Variants in ACTC1 observed in about 807,000 individuals in gnomAD.
The protein encoded by ACTC1 is actin, alpha cardiac muscle 1.
In ACTC1, 10 loss-of-function variants were observed where a neutral mutation model predicts 31.6. The ratio of observed to expected loss-of-function variants is 0.32; its 90% CI spans 0.19 to 0.54. ACTC1 has a LOEUF of 0.54. ACTC1 is among the 20% of genes least tolerant of loss of function. The pLI is 0.95. For missense variants in ACTC1, 129 were observed against 506.4 expected (o/e 0.25, Z 7.15); for synonymous variants, 196 against 185.0 (o/e 1.06, Z -0.48).
rs1335259862 is a variant in ACTC1 at position 34,794,810 on chromosome 15, T to C, written c.-2A>G. On this transcript the variant is annotated 5_prime_UTR_variant, in exon 2 of 7. Coordinates refer to ENST00000290378, the MANE Select transcript of ACTC1 (RefSeq NM_005159.5). ...GGTGGTCTCCTCGTCGTCACACATC[T>C]TGGCACAGCTTCAGGGGGTTCTGCA... The C allele has an allele frequency of 6.2e-7, 1 of 1,612,952 alleles. No homozygotes were observed. The highest frequency in any genetic ancestry group is 1.1e-5 in the South Asian group (1 of 91,032).
At position 34,791,307 on chromosome 15, in the gene ACTC1, TCACACACA is replaced by T. The variant is rs59431308; in HGVS notation, c.809-20_809-13del. 5.7e-3 allele frequency: 7,496 copies of T among 1,307,248 alleles called. 27 individuals are homozygous for T. Among genetic ancestry groups the T allele is most frequent in the African/African-American group, 0.021 (1,347 of 63,938 alleles). 81.0% of individuals were successfully genotyped at this position (1,307,248 alleles called of 1,614,324 possible). ...AGCAGATTCCATACCTGGGAACGAG[TCACACACA>T]CACACACACACACACACACACACAC... is the stretch of plus-strand genomic sequence containing the variant. On this transcript the variant is annotated splice_polypyrimidine_tract_variant and intron_variant, in intron 5 of 6. Coordinates refer to ENST00000290378, the MANE Select transcript of ACTC1 (RefSeq NM_005159.5).
chr15:34,794,779 C>T lies in ACTC1; in HGVS notation c.30G>A (p.Leu10=). 2 of 1,613,752 alleles carry T rather than the reference C, an allele frequency of 1.2e-6. No homozygotes were observed. Among genetic ancestry groups the T allele is most frequent in the Non-Finnish European group, 1.7e-6 (2 of 1,179,860 alleles). MCDDEETTA[L]VCDNGSGLVK... ...CCAGCCCAGAGCCGTTGTCGCACACCAGGGCGGTGGTCTCCTCGTCGTCAC... is the reference window on the plus strand; with the variant it reads ...CCAGCCCAGAGCCGTTGTCGCACACTAGGGCGGTGGTCTCCTCGTCGTCAC... Residue 10 remains leucine, a synonymous_variant, in exon 2 of 7, where the codon CTG becomes CTA. Transcript: ENST00000290378.
At position 34,792,917 on chromosome 15, in the gene ACTC1, T is replaced by C. The variant is rs1440960133; in HGVS notation, c.454+328A>G. On this transcript the variant is annotated intron_variant, in intron 3 of 6. Transcript: ENST00000290378. This position sits in a 1 kb window ranked among gnomAD's most constrained non-coding sequence, Gnocchi z 5.3. ...TTTCTCTCTCTTTTGACTCAGACCC[T>C]GTATGGAATGTATTCTCCTTGGGGA... 1 of 509,176 alleles carries C rather than the reference T, an allele frequency of 2.0e-6. No homozygotes were observed. The highest frequency in any genetic ancestry group is 3.6e-6 in the Non-Finnish European group (1 of 281,546). The allele number at this position is 509,176 out of a possible 1,614,324, so 31.5% of individuals were successfully genotyped here. A position where few individuals can be genotyped will look rare whatever the true frequency, so the allele number is the denominator to read the frequency against.
chr15:34,791,570 G>A (rs1310293291), intron 5 of ACTC1: 1 of 474,884 alleles, frequency 2.1e-6, no homozygotes, highest in Non-Finnish European at 3.7e-6. Flanking sequence ...TCAGATGTAT[G>A]AAGATGTATT....
chr15:34,790,589 C>T (rs181924243), intron 6 of ACTC1, 34 bp from the exon 7 acceptor site: 3 of 1,613,244 alleles, frequency 1.9e-6, no homozygotes, highest in Non-Finnish European at 1.7e-6. Context: ...CCAGTGAACT[C>T]TGAAGTTCCA....
At position 34,791,015 on chromosome 15, in the gene ACTC1, A is replaced by G. The variant is rs540721330; in HGVS notation, c.990+99T>C. ...AAAGCTAACAGGTAAAGTTTGTAGG[A>G]GACAAGAAACTGAGTATGAGGGAAA... is the stretch of plus-strand genomic sequence containing the variant. On this transcript the variant is annotated intron_variant, in intron 6 of 6. Coordinates refer to ENST00000290378, the MANE Select transcript of ACTC1 (RefSeq NM_005159.5). The G allele has an allele frequency of 4.2e-5, 49 of 1,163,504 alleles. No individual in the cohort carries two copies. The South Asian group carries it at 7.7e-4, about 18-fold the overall frequency. The allele number at this position is 1,163,504 out of a possible 1,614,324, so 72.1% of individuals were successfully genotyped here.
rs1891731917 is a variant in ACTC1, at chr15:34,792,774, C to T, written c.455-205G>A. The stretch of plus-strand genomic sequence containing the variant: ...AGCAAACTGCAGCTCATCTTTTTAA[C>T]TATTATAGTAGAAAAAATTCCCGAG... On this transcript the variant is annotated intron_variant, in intron 3 of 6. Transcript: ENST00000290378. The surrounding 1 kb of genome is among the most constrained non-coding windows in gnomAD (Gnocchi z 5.3). 1 of 609,550 alleles carries T rather than the reference C, an allele frequency of 1.6e-6. No homozygotes were observed. Among genetic ancestry groups the T allele is most frequent in the Non-Finnish European group, 2.9e-6 (1 of 349,158 alleles). 37.8% of individuals were successfully genotyped at this position (609,550 alleles called of 1,614,324 possible).
In ACTC1 at chr15:34,792,607, G is replaced by T. The variant is rs1158238574; in HGVS notation, c.455-38C>A. 3.7e-6 allele frequency: 6 copies of T among 1,612,540 alleles called. No individual in the cohort carries two copies. The highest frequency in any genetic ancestry group is 5.1e-6 in the Non-Finnish European group (6 of 1,178,744). On this transcript the variant is annotated intron_variant, in intron 3 of 6. Coordinates refer to ENST00000290378, the MANE Select transcript of ACTC1 (RefSeq NM_005159.5). The surrounding 1 kb of genome is among the most constrained non-coding windows in gnomAD (Gnocchi z 5.3). ...GTAGACAAGAACAAGGTAAATTCCT[G>T]AGGACAACACCACTGCTCTAGCCAC... is the stretch of plus-strand genomic sequence containing the variant.
At position 34,794,669 on chromosome 15, in the gene ACTC1, G is replaced by T; in HGVS notation, c.129+11C>A. 6.2e-7 allele frequency: 1 copy of T among 1,610,480 alleles called. No homozygotes were observed. The highest frequency in any genetic ancestry group is 1.1e-5 in the South Asian group (1 of 90,854). ...TCCCGAGTGGGACGGGGGGCTCGGC[G>T]GGAAGTTTACCTGGTGCCGCGGGCG... On this transcript the variant is annotated intron_variant, in intron 2 of 6. Coordinates refer to ENST00000290378, the MANE Select transcript of ACTC1 (RefSeq NM_005159.5).
intron 6 of ACTC1, 85 bp downstream of exon 6, chr15:34,791,025 CTGAG>C: frequency 3.2e-6 from 4 of 1,261,124 alleles, no homozygotes; most frequent in East Asian, 4.7e-5. Context: ...AGACAAGAAA[CTGAG>C]TATGAGGGAA....
Position 34,792,039 on chromosome 15 carries a change from C to T in ACTC1, c.808+51G>A, listed in dbSNP as rs1403755638. 24 of 1,603,890 alleles carry T rather than the reference C, an allele frequency of 1.5e-5. No individual in the cohort carries two copies. Among genetic ancestry groups the T allele is most frequent in the Non-Finnish European group, 1.9e-5 (22 of 1,172,132 alleles). On this transcript the variant is annotated intron_variant, in intron 5 of 6. Transcript: ENST00000290378. This position sits in a 1 kb window ranked among gnomAD's most constrained non-coding sequence, Gnocchi z 5.3. ...CCTTCTAGATTTTACTCTGGGAGAC[C>T]CTAAGATTTCCAGGGAAAATCGTGC...
chr15:34,792,724 T>C lies in ACTC1; in HGVS notation c.455-155A>G. ...ATTCCTTACACACAAAGAATAAAAA[T>C]GCGCATCAGGAATACTAAATCTGAA... On this transcript the variant is annotated intron_variant, in intron 3 of 6. Transcript: ENST00000290378. The surrounding 1 kb of genome is among the most constrained non-coding windows in gnomAD (Gnocchi z 5.3). 1.3e-6 allele frequency: 1 copy of C among 790,668 alleles called. No homozygotes were observed. Among genetic ancestry groups the C allele is most frequent in the Non-Finnish European group, 2.1e-6 (1 of 473,658 alleles). The allele number at this position is 790,668 out of a possible 1,614,324, so 49.0% of individuals were successfully genotyped here. A position where few individuals can be genotyped will look rare whatever the true frequency, so the allele number is the denominator to read the frequency against.
chr15:34,794,643 G>A lies in ACTC1; in HGVS notation c.129+37C>T, dbSNP rs1322347895. On this transcript the variant is annotated intron_variant, in intron 2 of 6. Transcript: ENST00000290378. ...TTTCCTAGATCGCTGGACTGAAGGG[G>A]TCCCGAGTGGGACGGGGGGCTCGGC... 11 of 1,603,042 alleles carry A rather than the reference G, an allele frequency of 6.9e-6. No individual in the cohort carries two copies. In the Admixed American group the frequency reaches 1.9e-4, roughly 27 times the overall value.
In ACTC1 at chr15:34,792,378, C is replaced by T. The variant is rs761593696; in HGVS notation, c.616+30G>A. On this transcript the variant is annotated intron_variant, in intron 4 of 6. Coordinates refer to ENST00000290378, the MANE Select transcript of ACTC1 (RefSeq NM_005159.5). This position sits in a 1 kb window ranked among gnomAD's most constrained non-coding sequence, Gnocchi z 5.3. ...GTGAGAGAGGAGGAAAGCAGACCCA[C>T]ACTGTGGCAGATGAGACACACACAC... The T allele has an allele frequency of 1.9e-6, 3 of 1,614,066 alleles. No homozygotes were observed. Among genetic ancestry groups the T allele is most frequent in the African/African-American group, 2.7e-5 (2 of 74,934 alleles).
intron 6 of ACTC1, 45 bp from the exon 7 acceptor site, chr15:34,790,600 A>G (rs1025515083): frequency 6.2e-7 from 1 of 1,610,438 alleles, no homozygotes; most frequent in African/African-American, 1.3e-5. Context: ...TGAAGTTCCA[A>G]GCAAGGGAGC....
rs1891743625 is a variant in ACTC1, at chr15:34,793,215, A to T, written c.454+30T>A. 1 of 1,610,186 alleles carries T rather than the reference A, an allele frequency of 6.2e-7. No homozygotes were observed. The highest frequency in any genetic ancestry group is 1.3e-5 in the African/African-American group (1 of 74,926). ...GGTCGGTGACTTGGGAATGTGATTC[A>T]TCAGTAACTGTCCCCAGAGCCCAGC... is the stretch of plus-strand genomic sequence containing the variant. On this transcript the variant is annotated intron_variant, in intron 3 of 6. Transcript: ENST00000290378. The surrounding 1 kb of genome is among the most constrained non-coding windows in gnomAD (Gnocchi z 4.8).
chr15:34,793,462 G>T lies in ACTC1; in HGVS notation c.237C>A (p.Thr79=), dbSNP rs1595761422. ...AGATCTTCTCCATGTCGTCCCAGTT[G>T]GTGATGATACCATGCTCGATGGGAT... The part of the protein sequence containing the change: ...LKYPIEHGII[T]NWDDMEKIWH... The change falls in exon 3 of 7, where the codon ACC becomes ACA. Residue 79 remains threonine (T), a synonymous_variant. Transcript: ENST00000290378. This position sits in a 1 kb window ranked among gnomAD's most constrained non-coding sequence, Gnocchi z 4.8. The T allele has an allele frequency of 6.2e-7, 1 of 1,614,104 alleles. No individual in the cohort carries two copies. Among genetic ancestry groups the T allele is most frequent in the Non-Finnish European group, 8.5e-7 (1 of 1,180,024 alleles).
Position 34,793,562 on chromosome 15 carries a change from A to T in ACTC1, c.137T>A (p.Met46Lys). The T allele has an allele frequency of 6.2e-7, 1 of 1,614,050 alleles. No homozygotes were observed. The change falls in exon 3 of 7, where the codon ATG (methionine) becomes AAG (lysine). Residue 46 changes from methionine (M) to lysine (K), a missense_variant. By Grantham distance (95) the Met-to-Lys change is moderately conservative. Coordinates refer to ENST00000290378, the MANE Select transcript of ACTC1 (RefSeq NM_005159.5). This position sits in a 1 kb window ranked among gnomAD's most constrained non-coding sequence, Gnocchi z 4.8. Reference protein sequence around the residue: ...IVGRPRHQGVMVGMGQKDSYV... With the variant: ...IVGRPRHQGVKVGMGQKDSYV... ...GGAGTCCTTCTGACCCATACCCACC[A>T]TAACTCCCTATGAGAAGAAAAAATG...
At position 34,790,407 on chromosome 15, in the gene ACTC1, G is replaced by A; in HGVS notation, c.*5C>T. 9 of 1,613,502 alleles carry A rather than the reference G, an allele frequency of 5.6e-6. No homozygotes were observed. Among genetic ancestry groups the A allele is most frequent in the Non-Finnish European group, 7.6e-6 (9 of 1,179,940 alleles). The stretch of plus-strand genomic sequence containing the variant: ...ACTGGAAGGTAGATGGAGAGAGAAG[G>A]CATCTTAGAAGCATTTGCGGTGGAC... On this transcript the variant is annotated 3_prime_UTR_variant, in exon 7 of 7. Transcript: ENST00000290378.
Sources: allele counts gnomAD v4.1 joint callset, GRCh38; gene constraint gnomAD v4.1.1; non-coding constraint Gnocchi (gnomAD v3.1); transcripts MANE v1.5; gene names NCBI Gene and HGNC (gene_info 2026-07-23, HGNC 2026-07-21).